XXYLT1: variants seen among roughly 807,000 people sequenced by gnomAD.
The protein encoded by XXYLT1 is UDP-xylose:alpha-xyloside alpha-1,3-xylosyltransferase.
Under a neutral mutation model 28.9 loss-of-function variants are expected in XXYLT1, and 20 were observed. That is an observed-to-expected ratio of 0.69 (90% CI 0.49 to 1.00). XXYLT1 has a LOEUF of 1.00. XXYLT1 is among the 50% of genes least tolerant of loss of function. The probability of loss-of-function intolerance (pLI) is 0.00; values close to 1 mark genes in which losing one functional copy is unlikely to be tolerated. For missense variants in XXYLT1, 542 were observed against 560.1 expected, an observed-to-expected ratio of 0.97 and a Z score of 0.33; for synonymous variants, 257 against 253.8, an observed-to-expected ratio of 1.01 and a Z score of -0.12.
Position 195,176,709 on chromosome 3 carries a change from G to A in XXYLT1, c.653-20128C>T, listed in dbSNP as rs571243606. 2.5e-4 allele frequency among the ~76,000 whole-genome samples: 38 copies of A among 152,298 alleles called. No homozygotes were observed. Among genetic ancestry groups the A allele is most frequent in the African/African-American group, 7.9e-4 (33 of 41,554 alleles). On this transcript the variant is annotated intron_variant, in intron 2 of 3. Transcript: ENST00000310380. This position sits in a 1 kb window ranked among gnomAD's most constrained non-coding sequence, Gnocchi z 4.9. ...CACACCACAGCTGGCACTCCCTTAC[G>A]CTTACCTAAGGACTCTAAACATGCA... is the stretch of plus-strand genomic sequence containing the variant.
intron 3 of XXYLT1, among the ~76,000 whole-genome samples, chr3:195,144,617 C>G (rs1260908365): frequency 1.3e-5 from 2 of 152,058 alleles, no homozygotes; most frequent in Non-Finnish European, 2.9e-5. Context: ...ACCCCGTGAT[C>G]CGCCCGCCTC....
intron 2 of XXYLT1, among the ~76,000 whole-genome samples, 184 bp from the exon 3 acceptor site, chr3:195,156,765 G>A (rs1720618050): frequency 6.6e-6 from 1 of 152,186 alleles, no homozygotes; most frequent in Non-Finnish European, 1.5e-5. Context: ...CACACTATTA[G>A]TCTTCACAAA....
intron 2 of XXYLT1, among the ~76,000 whole-genome samples, chr3:195,172,666 T>TGGCAGTAAGTGTG (rs1225706152): frequency 6.6e-5 from 10 of 152,124 alleles, no homozygotes; most frequent in Admixed American, 5.2e-4. Context: ...TGGCCTCAGA[T>TGGCAGTAAGTGTG]GGCAGTAAGT....
At chr3:195,182,810 G>A (rs959423952) in intron 2 of XXYLT1, among the ~76,000 whole-genome samples, 5 of 151,998 alleles carry the variant, frequency 3.3e-5, no homozygotes, top group African/African-American at 9.7e-5. Context: ...CCCTATAAAC[G>A]GTAAGGATTA....
At chr3:195,140,806 C>T (rs113325447) in intron 3 of XXYLT1, among the ~76,000 whole-genome samples, 1 of 152,336 alleles carries the variant, frequency 6.6e-6, no homozygotes, top group Non-Finnish European at 1.5e-5. Context: ...CACCCAGCCC[C>T]TCCTCTAACA....
At chr3:195,122,379 C>T (rs963442721) in intron 3 of XXYLT1, among the ~76,000 whole-genome samples, 4 of 152,096 alleles carry the variant, frequency 2.6e-5, no homozygotes, top group Non-Finnish European at 5.9e-5. Flanking sequence ...ATCCTCCAGA[C>T]GAAGGTGGAA....
rs1321201331 is a variant in XXYLT1 at position 195,256,810 on chromosome 3, A to G, written c.504+13745T>C. Among the ~76,000 whole-genome samples the G allele has an allele frequency of 1.3e-5, 2 of 152,210 alleles. No homozygotes were observed. Among genetic ancestry groups the G allele is most frequent in the Non-Finnish European group, 1.5e-5 (1 of 68,032 alleles). ...GGCAGGACTCTGTCCACCACACTCC[A>G]GCTGAAGTGAGCGCCCAGGGGCAGG... On this transcript the variant is annotated intron_variant, in intron 1 of 3. Transcript: ENST00000310380. This position sits in a 1 kb window ranked among gnomAD's most constrained non-coding sequence, Gnocchi z 4.2.
At chr3:195,163,160 G>C (rs903574594) in intron 2 of XXYLT1, among the ~76,000 whole-genome samples, 56 of 152,080 alleles carry the variant, frequency 3.7e-4, no homozygotes, top group Non-Finnish European at 3.4e-4. Context: ...ATCCTTTTTG[G>C]ATAGAATTAT....
intron 2 of XXYLT1, among the ~76,000 whole-genome samples, chr3:195,181,237 T>C (rs942763955): frequency 6.6e-6 from 1 of 152,000 alleles, no homozygotes; most frequent in Admixed American, 6.5e-5. Context: ...AGGATGACAA[T>C]CTCCCTTTTC....
intron 3 of XXYLT1, among the ~76,000 whole-genome samples, chr3:195,104,958 G>A (rs1462338984): frequency 3.9e-5 from 6 of 152,174 alleles, no homozygotes; most frequent in South Asian, 4.1e-4. Context: ...TGGTCAAAAC[G>A]CAGCTTTGGA....
chr3:195,082,741 C>T (rs938063620), intron 3 of XXYLT1, among the ~76,000 whole-genome samples: 5 of 151,814 alleles, frequency 3.3e-5, no homozygotes, highest in East Asian at 1.9e-4. Context: ...CCCAGCTACT[C>T]GGGAGGCTGA....
chr3:195,208,398 A>C (rs1161334326), intron 2 of XXYLT1, among the ~76,000 whole-genome samples: 1 of 152,068 alleles, frequency 6.6e-6, no homozygotes, highest in African/African-American at 2.4e-5. Flanking sequence ...CCCACTGCCC[A>C]CACGCCTGCC....
chr3:195,230,028 A>T (rs1724232121), intron 1 of XXYLT1, among the ~76,000 whole-genome samples: 1 of 152,124 alleles, frequency 6.6e-6, no homozygotes, highest in South Asian at 2.1e-4. Context: ...TTTTCTCTAC[A>T]TCCTCACCAG....
At chr3:195,247,225 C>T (rs895418335) in intron 1 of XXYLT1, among the ~76,000 whole-genome samples, 4 of 152,174 alleles carry the variant, frequency 2.6e-5, no homozygotes, top group East Asian at 3.9e-4. Context: ...AGAGGGCGAA[C>T]GGCCGTTCCA....
At chr3:195,126,516 G>A (rs1718641102) in intron 3 of XXYLT1, among the ~76,000 whole-genome samples, 1 of 152,300 alleles carries the variant, frequency 6.6e-6, no homozygotes, top group Non-Finnish European at 1.5e-5. Flanking sequence ...CTCTAGAAAG[G>A]AGCCCATGGA....
chr3:195,236,567 G>C (rs1274094853), intron 1 of XXYLT1, among the ~76,000 whole-genome samples: 1 of 151,646 alleles, frequency 6.6e-6, no homozygotes, highest in East Asian at 2.0e-4. Flanking sequence ...GGACCCCAAG[G>C]GCCCAGTTGG....
Position 195,240,145 on chromosome 3 carries a change from T to A in XXYLT1, c.505-13289A>T, listed in dbSNP as rs1307803528. ...GTACTTTGTTGTTCAAACTAAAATA[T>A]GTAACCGAGAAAGTGCTGTGTGATA... On this transcript the variant is annotated intron_variant, in intron 1 of 3. Coordinates refer to ENST00000310380, the MANE Select transcript of XXYLT1 (RefSeq NM_152531.5). The surrounding 1 kb of genome is among the most constrained non-coding windows in gnomAD (Gnocchi z 4.7). 2.0e-5 allele frequency among the ~76,000 whole-genome samples: 3 copies of A among 152,232 alleles called. No individual in the cohort carries two copies. Among genetic ancestry groups the A allele is most frequent in the Non-Finnish European group, 4.4e-5 (3 of 68,044 alleles).
chr3:195,132,455 A>G (rs955255706), intron 3 of XXYLT1, among the ~76,000 whole-genome samples: 1 of 151,564 alleles, frequency 6.6e-6, no homozygotes, highest in African/African-American at 2.4e-5. Context: ...CAACAGACTG[A>G]GACTCGGTCT....
In XXYLT1 at chr3:195,252,715, CACACACACACACAG is replaced by C. The variant is rs1158647453; in HGVS notation, c.504+17826_504+17839del. Among the ~76,000 whole-genome samples, 747 of 141,726 alleles carry C rather than the reference CACACACACACACAG, an allele frequency of 5.3e-3. 3 individuals are homozygous for C. The highest frequency in any genetic ancestry group is 7.5e-3 in the Non-Finnish European group (502 of 67,302). 93.0% of individuals were successfully genotyped at this position (141,726 alleles called of 152,430 possible). ...AACCACACACACACACACACACACACACACACACACACAGAGAGAGAGAGAGAGAGAGAGAGAGA... is the reference window on the plus strand; with the variant it reads ...AACCACACACACACACACACACACACAGAGAGAGAGAGAGAGAGAGAGAGA... On this transcript the variant is annotated intron_variant, in intron 1 of 3. Transcript: ENST00000310380.
Sources: allele counts gnomAD v4.1 joint callset (sites outside exome capture counted in the v4.1 genomes callset), GRCh38; gene constraint gnomAD v4.1.1; non-coding constraint Gnocchi (gnomAD v3.1); transcripts MANE v1.5; gene names NCBI Gene and HGNC (gene_info 2026-07-23, HGNC 2026-07-21).